PLCXD3: variants seen among roughly 807,000 people sequenced by gnomAD.
The protein encoded by PLCXD3 is PI-PLC X domain-containing protein 3.
Under a neutral mutation model 25.5 loss-of-function variants are expected in PLCXD3, and 19 were observed. The ratio of observed to expected loss-of-function variants is 0.75; its 90% CI spans 0.52 to 1.09. The LOEUF is 1.09. Ranked by LOEUF, PLCXD3 falls within the 50% of genes least tolerant of loss-of-function variation. PLCXD3 has a pLI of 0.00. For synonymous variants in PLCXD3, 174 were observed against 137.6 expected, an observed-to-expected ratio of 1.26 and a Z score of -1.85; for missense variants, 411 against 388.1, an observed-to-expected ratio of 1.06 and a Z score of -0.50.
At chr5:41,437,634 G>A (rs1261104711) in intron 1 of PLCXD3, among the ~76,000 whole-genome samples, 1 of 152,158 alleles carries the variant, frequency 6.6e-6, no homozygotes, top group Non-Finnish European at 1.5e-5. Context: ...AGCCAGTGTG[G>A]CAGAACCCCA....
chr5:41,361,558 C>T (rs1036453588), intron 2 of PLCXD3, among the ~76,000 whole-genome samples: 6 of 152,130 alleles, frequency 3.9e-5, no homozygotes, highest in African/African-American at 1.4e-4. Context: ...TCTTTCAATC[C>T]CTAATATCCA....
chr5:41,359,615 C>A (rs1198616838), intron 2 of PLCXD3, among the ~76,000 whole-genome samples: 2 of 152,122 alleles, frequency 1.3e-5, no homozygotes, highest in South Asian at 2.1e-4. Context: ...TTTCTCTCTT[C>A]TTTTCTTGGT....
intron 1 of PLCXD3, among the ~76,000 whole-genome samples, chr5:41,486,464 G>A (rs1202807230): frequency 6.6e-6 from 1 of 152,064 alleles, no homozygotes; most frequent in African/African-American, 2.4e-5. Flanking sequence ...AGCTGCATCA[G>A]AGAAGTTCAG....
chr5:41,431,534 T>G (rs1188134543), intron 1 of PLCXD3, among the ~76,000 whole-genome samples: 1 of 152,184 alleles, frequency 6.6e-6, no homozygotes, highest in Non-Finnish European at 1.5e-5. Context: ...GTTCTAGAAA[T>G]TATCAGCATG....
intron 1 of PLCXD3, among the ~76,000 whole-genome samples, chr5:41,391,727 G>A (rs1236631428): frequency 1.3e-5 from 2 of 152,170 alleles, no homozygotes; most frequent in Non-Finnish European, 2.9e-5. Flanking sequence ...CCACAGTGGG[G>A]TAGAGCACCA....
chr5:41,351,693 G>A (rs1173693298), intron 2 of PLCXD3, among the ~76,000 whole-genome samples: 3 of 152,028 alleles, frequency 2.0e-5, no homozygotes, highest in African/African-American at 7.2e-5. Context: ...CAAATGTTAT[G>A]GTTCTCACTG....
At chr5:41,444,423 T>C (rs1377641218) in intron 1 of PLCXD3, among the ~76,000 whole-genome samples, 1 of 152,192 alleles carries the variant, frequency 6.6e-6, no homozygotes, top group Non-Finnish European at 1.5e-5. Context: ...GCTCCTCAGC[T>C]AGCATCAGCC....
intron 2 of PLCXD3, among the ~76,000 whole-genome samples, chr5:41,330,003 T>G (rs2150473859): frequency 6.6e-6 from 1 of 152,094 alleles, no homozygotes; most frequent in East Asian, 1.9e-4. Context: ...TATTTTACAG[T>G]TATGGGCGAA....
intron 2 of PLCXD3, among the ~76,000 whole-genome samples, chr5:41,319,726 C>A (rs1163888172): frequency 6.6e-6 from 1 of 151,592 alleles, no homozygotes; most frequent in Admixed American, 6.6e-5. Flanking sequence ...AAAAACCAAA[C>A]CCCAAATTAG....
chr5:41,374,572 T>C (rs1321785075), intron 2 of PLCXD3, among the ~76,000 whole-genome samples: 1 of 152,122 alleles, frequency 6.6e-6, no homozygotes, highest in Non-Finnish European at 1.5e-5. Flanking sequence ...CGTACATATA[T>C]GTATCTGTAT....
intron 2 of PLCXD3, among the ~76,000 whole-genome samples, chr5:41,339,894 A>G (rs1018113662): frequency 2.0e-5 from 3 of 152,174 alleles, no homozygotes; most frequent in African/African-American, 7.2e-5. Context: ...ATTTGCAGGG[A>G]TAGGTCTTTA....
At chr5:41,405,895 G>A (rs1199027227) in intron 1 of PLCXD3, among the ~76,000 whole-genome samples, 1 of 151,916 alleles carries the variant, frequency 6.6e-6, no homozygotes, top group African/African-American at 2.4e-5. Flanking sequence ...GGTTATCACT[G>A]TTGCAACTCA....
At chr5:41,360,585 A>G (rs145947044) in intron 2 of PLCXD3, among the ~76,000 whole-genome samples, 42 of 152,170 alleles carry the variant, frequency 2.8e-4, no homozygotes, top group African/African-American at 1.0e-3. Context: ...TCCCCTAAGA[A>G]TGGGGCTTCC....
chr5:41,385,035 A>G (rs1355146955), intron 1 of PLCXD3, among the ~76,000 whole-genome samples: 1 of 152,154 alleles, frequency 6.6e-6, no homozygotes, highest in East Asian at 1.9e-4. Flanking sequence ...TAAAAAATGA[A>G]TATTTTGATG....
At chr5:41,493,374 G>A (rs970679005) in intron 1 of PLCXD3, among the ~76,000 whole-genome samples, 7 of 152,162 alleles carry the variant, frequency 4.6e-5, no homozygotes, top group African/African-American at 1.7e-4. Context: ...GCTGCTCAGG[G>A]GTCAGGGGTC....
At chr5:41,469,066 C>A (rs1748091470) in intron 1 of PLCXD3, among the ~76,000 whole-genome samples, 1 of 152,060 alleles carries the variant, frequency 6.6e-6, no homozygotes, top group Non-Finnish European at 1.5e-5. Context: ...AGCTAATCTG[C>A]TGAGAGGTTT....
chr5:41,447,220 T>G (rs1747524722), intron 1 of PLCXD3, among the ~76,000 whole-genome samples: 1 of 152,186 alleles, frequency 6.6e-6, no homozygotes, highest in South Asian at 2.1e-4. Flanking sequence ...TTGCCCTTTT[T>G]TACTCATTGC....
chr5:41,376,992 G>A (rs1430424765), intron 2 of PLCXD3, among the ~76,000 whole-genome samples: 1 of 152,094 alleles, frequency 6.6e-6, no homozygotes, highest in Non-Finnish European at 1.5e-5. Context: ...AAATAGCAGG[G>A]AGATAGCATG....
intron 1 of PLCXD3, among the ~76,000 whole-genome samples, chr5:41,428,322 A>G (rs1322918056): frequency 2.0e-5 from 3 of 149,956 alleles, no homozygotes; most frequent in Non-Finnish European, 4.4e-5. Context: ...TGAAGCCCTA[A>G]CCCCCAGTAC....
Sources: gnomAD v4.1 joint callset for allele counts (sites outside exome capture counted in the v4.1 genomes callset) on GRCh38, gnomAD v4.1.1 for gene constraint, MANE v1.5 for transcripts, NCBI Gene and HGNC (gene_info 2026-07-23, HGNC 2026-07-21) for gene names.